CCDC7: variants seen among roughly 807,000 people sequenced by gnomAD.
The protein encoded by CCDC7 is coiled-coil domain containing 7.
CCDC7 carries 183 observed loss-of-function variants against 196.9 expected under a neutral mutation model. That is an observed-to-expected ratio of 0.93 (90% CI 0.82 to 1.05). The LOEUF is 1.05. Ranked by LOEUF, CCDC7 falls within the 50% of genes least tolerant of loss-of-function variation. The probability of loss-of-function intolerance (pLI) is 0.00; values close to 1 mark genes in which losing one functional copy is unlikely to be tolerated. For missense variants in CCDC7, 1,540 were observed against 1,482.2 expected, an observed-to-expected ratio of 1.04 and a Z score of -0.64; for synonymous variants, 525 against 484.6, an observed-to-expected ratio of 1.08 and a Z score of -1.10.
intron 28 of CCDC7, among the ~76,000 whole-genome samples, chr10:32,768,399 T>A (rs977189417): frequency 6.6e-5 from 10 of 152,182 alleles, no homozygotes; most frequent in Non-Finnish European, 1.3e-4. Flanking sequence ...ACTGAATTTG[T>A]TTATGAAATC....
chr10:32,608,733 G>C (rs992237598), intron 18 of CCDC7, among the ~76,000 whole-genome samples: 1 of 151,926 alleles, frequency 6.6e-6, no homozygotes, highest in African/African-American at 2.4e-5. Context: ...GAGAGACGGG[G>C]TTTTGCCATG....
upstream of CCDC7, among the ~76,000 whole-genome samples, chr10:32,450,423 C>G (rs1037169169): frequency 1.3e-5 from 2 of 152,202 alleles, no homozygotes; most frequent in Non-Finnish European, 2.9e-5. Context: ...GGGCTTAGGA[C>G]TTGAACATAT....
At chr10:32,706,662 C>T (rs1378813191) in intron 24 of CCDC7, among the ~76,000 whole-genome samples, 1 of 150,658 alleles carries the variant, frequency 6.6e-6, no homozygotes, top group African/African-American at 2.4e-5. Flanking sequence ...CACAGAAATA[C>T]AAACTACCAT....
At chr10:32,712,458 G>T (rs1191005592) in intron 25 of CCDC7, among the ~76,000 whole-genome samples, 1 of 152,158 alleles carries the variant, frequency 6.6e-6, no homozygotes, top group Non-Finnish European at 1.5e-5. Context: ...CACAGTACAT[G>T]CTGCACGTGG....
intron 8 of CCDC7, among the ~76,000 whole-genome samples, chr10:32,488,631 C>A (rs1000973649): frequency 2.0e-5 from 3 of 152,160 alleles, no homozygotes; most frequent in Admixed American, 1.3e-4. Flanking sequence ...TGGCTCCAAC[C>A]CCCCAGCATC....
At chr10:32,522,649 T>G (rs2048045179) in intron 11 of CCDC7, among the ~76,000 whole-genome samples, 1 of 152,164 alleles carries the variant, frequency 6.6e-6, no homozygotes, top group Non-Finnish European at 1.5e-5. Flanking sequence ...ATTGTTTTCT[T>G]CATCAGAAAT....
At chr10:32,651,989 T>C in intron 20 of CCDC7, among the ~76,000 whole-genome samples, 1 of 152,304 alleles carries the variant, frequency 6.6e-6, no homozygotes, top group East Asian at 1.9e-4. Context: ...GTTGATTTTT[T>C]GTCTGGATGA....
chr10:32,704,762 T>C (rs1323825473), intron 24 of CCDC7, among the ~76,000 whole-genome samples: 1 of 152,172 alleles, frequency 6.6e-6, no homozygotes, highest in Non-Finnish European at 1.5e-5. Flanking sequence ...CTCAGACTGC[T>C]GTGCTAGCAA....
intron 14 of CCDC7, among the ~76,000 whole-genome samples, chr10:32,566,353 T>G (rs1717465015): frequency 6.6e-6 from 1 of 152,136 alleles, no homozygotes; most frequent in Non-Finnish European, 1.5e-5. Context: ...TTTAAAAGTT[T>G]ATCCTAAAGA....
chr10:32,770,833 T>C (rs1359549328), intron 28 of CCDC7, among the ~76,000 whole-genome samples: 1 of 152,208 alleles, frequency 6.6e-6, no homozygotes, highest in Non-Finnish European at 1.5e-5. Flanking sequence ...CATTATGTAC[T>C]GACCATCATT....
At chr10:32,732,737 T>C (rs1196528872) in intron 28 of CCDC7, among the ~76,000 whole-genome samples, 1 of 152,158 alleles carries the variant, frequency 6.6e-6, no homozygotes, top group Admixed American at 6.5e-5. Context: ...ATTTCTCATA[T>C]ACCACCTTCC....
chr10:32,544,219 A>G, intron 12 of CCDC7, 28 bp from the exon 14 acceptor site: 1 of 1,572,752 alleles, frequency 6.4e-7, no homozygotes, highest in Non-Finnish European at 8.7e-7. Context: ...AAATATCATG[A>G]TGCATTTTAA....
intron 29 of CCDC7, among the ~76,000 whole-genome samples, chr10:32,797,441 C>A (rs1034509296): frequency 4.6e-5 from 7 of 151,888 alleles, no homozygotes; most frequent in Non-Finnish European, 8.8e-5. Context: ...TATGTTCTCA[C>A]TCATAAGTGG....
At chr10:32,788,348 C>T (rs2082174078) in intron 29 of CCDC7, among the ~76,000 whole-genome samples, 1 of 152,200 alleles carries the variant, frequency 6.6e-6, no homozygotes. Flanking sequence ...AGACCAGTAG[C>T]AATCAACTAA....
intron 28 of CCDC7, among the ~76,000 whole-genome samples, chr10:32,741,021 AATT>A (rs2085748567): frequency 1.3e-5 from 2 of 152,000 alleles, no homozygotes; most frequent in South Asian, 4.1e-4. Flanking sequence ...ATATTCTCCT[AATT>A]ATTATTTTAT....
At position 32,667,977 on chromosome 10, in the gene CCDC7, G is replaced by T. The variant is rs574856164; in HGVS notation, c.2122+3816G>T. ...CCTTGGGCAGTATGGCCATTTTCAC[G>T]ATATTGATTCTTCCTGCCCATGAGT... is the stretch of plus-strand genomic sequence containing the variant. On this transcript the variant is annotated intron_variant, in intron 21 of 41. Transcript: ENST00000639629. 1.3e-3 allele frequency among the ~76,000 whole-genome samples: 192 copies of T among 152,056 alleles called. 3 individuals carry two copies. The South Asian group carries it at 0.02, about 16-fold the overall frequency.
chr10:32,644,686 T>C (rs982165463), intron 20 of CCDC7, among the ~76,000 whole-genome samples: 8 of 152,158 alleles, frequency 5.3e-5, no homozygotes, highest in South Asian at 2.1e-4. Flanking sequence ...AGTGAATAAG[T>C]CTCATGAGCT....
intron 28 of CCDC7, among the ~76,000 whole-genome samples, chr10:32,758,066 T>C (rs1043581288): frequency 6.6e-6 from 1 of 152,144 alleles, no homozygotes; most frequent in Non-Finnish European, 1.5e-5. Flanking sequence ...GTTGAATCCC[T>C]GAATAGACCA....
intron 18 of CCDC7, among the ~76,000 whole-genome samples, chr10:32,616,071 A>G (rs1220220721): frequency 1.3e-5 from 2 of 152,074 alleles, no homozygotes; most frequent in Non-Finnish European, 2.9e-5. Flanking sequence ...GCCTTGTAGT[A>G]TAATTTGAAG....
Sources: allele counts gnomAD v4.1 joint callset (sites outside exome capture counted in the v4.1 genomes callset), GRCh38; gene constraint gnomAD v4.1.1; transcripts MANE v1.5; gene names NCBI Gene and HGNC (gene_info 2026-07-23, HGNC 2026-07-21).